G6PD: variants seen among roughly 807,000 people sequenced by gnomAD.
The protein encoded by G6PD is glucose-6-phosphate 1-dehydrogenase.
Under a neutral mutation model 38.2 loss-of-function variants are expected in G6PD, and 2 were observed. The observed-to-expected ratio is 0.05, with a 90% CI of 0.02 to 0.16. The LOEUF (loss-of-function observed/expected upper bound fraction) is 0.16. G6PD is among the 10% of genes least tolerant of loss of function. The pLI is 1.00. For missense variants in G6PD, 310 were observed against 471.6 expected, an observed-to-expected ratio of 0.66 and a Z score of 3.17; for synonymous variants, 188 against 196.0, an observed-to-expected ratio of 0.96 and a Z score of 0.34.
chrX:154,532,024 C>G lies in G6PD; in HGVS notation c.1524G>C (p.Lys508Asn). Residue 508 changes from lysine (K) to asparagine (N), a missense_variant, in exon 13 of 13, where the codon AAG becomes AAC. Coordinates refer to ENST00000393562, the MANE Select transcript of G6PD (RefSeq NM_001360016.2). ...CTCAGAGCTTGTGGGGGTTCACCCA[C>G]TTGTAGGTGCCCTCATACTGGAAAC... ...RVGFQYEGTY[K>N]WVNPHKL The G allele has an allele frequency of 8.3e-7, 1 of 1,210,384 alleles. No individual in the cohort carries two copies. The highest frequency in any genetic ancestry group is 1.1e-6 in the Non-Finnish European group (1 of 895,163).
upstream of G6PD, chrX:154,547,152 G>A: frequency 5.9e-6 from 1 of 168,073 alleles, no homozygotes; most frequent in Non-Finnish European, 9.9e-6. Flanking sequence ...GCCCGGCCCC[G>A]CCCCTACTGT....
Position 154,532,612 on chromosome X carries a change from G to A in G6PD, c.1242C>T (p.Asn414=). ...TCAGGTCCAGCTCCGACTCCTCGGG[G>A]TTGAAGAACATGCCCGGCTTCTTGG... ...MMTKKPGMFF[N]PEESELDLTY... is the part of the protein sequence containing the mutation. Residue 414 remains asparagine, a synonymous_variant, in exon 10 of 13, where the codon AAC becomes AAT. Transcript: ENST00000393562. 2 of 1,212,433 alleles carry A rather than the reference G, an allele frequency of 1.6e-6. No homozygotes were observed. The highest frequency in any genetic ancestry group is 2.2e-6 in the Non-Finnish European group (2 of 895,653).
intron 2 of G6PD, among the ~76,000 whole-genome samples, chrX:154,538,707 G>A (rs1051791832): frequency 4.5e-5 from 5 of 111,444 alleles, no homozygotes; most frequent in East Asian, 2.8e-4. Context: ...GCGGGGAATC[G>A]CTTGAGGTCA....
In G6PD at chrX:154,533,003, G is replaced by A. The variant is rs782064465; in HGVS notation, c.990C>T (p.Arg330=). The A allele has an allele frequency of 2.0e-4, 246 of 1,210,725 alleles. No individual in the cohort carries two copies. The highest frequency in any genetic ancestry group is 2.6e-4 in the Non-Finnish European group (237 of 895,251). Residue 330 remains arginine, a synonymous_variant, in exon 9 of 13, where the codon CGC becomes CGT. Transcript: ENST00000393562. Reference sequence around the variant, plus strand: ...CTGCAAAAGTGGCGGTGGTGGACCCGCGGGGCACCGTGGGGTCGTCCAGGT... The same window carrying A: ...CTGCAAAAGTGGCGGTGGTGGACCCACGGGGCACCGTGGGGTCGTCCAGGT... The part of the protein sequence containing the change: ...KGYLDDPTVP[R]GSTTATFAAV...
At chrX:154,537,703 T>C (rs1557231102) in intron 2 of G6PD, among the ~76,000 whole-genome samples, 1 of 112,209 alleles carries the variant, frequency 8.9e-6, no homozygotes, top group African/African-American at 3.2e-5. Flanking sequence ...ATAGAGAGTG[T>C]TGCCAGTGGG....
chrX:154,542,068 C>A (rs1050675519), intron 2 of G6PD, among the ~76,000 whole-genome samples: 5 of 112,448 alleles, frequency 4.4e-5, no homozygotes, highest in African/African-American at 1.6e-4. Context: ...AAAAGGGCCT[C>A]CCTGCTATAC....
At chrX:154,532,345 C>T in intron 11 of G6PD, 41 bp downstream of exon 11, 1 of 1,209,245 alleles carries the variant, frequency 8.3e-7, no homozygotes, top group Non-Finnish European at 1.1e-6. Flanking sequence ...AAGGCCACCC[C>T]ATAGCCCACA....
chrX:154,533,697 C>T, intron 7 of G6PD, 28 bp from the exon 8 acceptor site: 3 of 1,210,345 alleles, frequency 2.5e-6, no homozygotes, highest in Non-Finnish European at 3.4e-6. Context: ...CAGAGCTCGC[C>T]TTAGCTCCCC....
chrX:154,542,895 T>C (rs782535512), intron 2 of G6PD, among the ~76,000 whole-genome samples: 4 of 111,988 alleles, frequency 3.6e-5, no homozygotes, highest in African/African-American at 1.3e-4. Flanking sequence ...CTGGCCGCAA[T>C]AGCACATAGG....
At chrX:154,538,107 C>T (rs1181341762) in intron 2 of G6PD, among the ~76,000 whole-genome samples, 1 of 110,094 alleles carries the variant, frequency 9.1e-6, no homozygotes, top group Admixed American at 9.7e-5. Context: ...AATCCTCCCA[C>T]CTCAGCCTCT....
intron 2 of G6PD, among the ~76,000 whole-genome samples, chrX:154,543,899 A>C: frequency 1.0e-5 from 1 of 98,141 alleles, no homozygotes. Flanking sequence ...ATGGAGTCTC[A>C]CTCTGTCACC....
At chrX:154,533,528 T>C (rs781934049) in intron 8 of G6PD, 48 bp downstream of exon 8, 1 of 1,194,389 alleles carries the variant, frequency 8.4e-7, no homozygotes, top group African/African-American at 1.7e-5. Context: ...TCGTCACAGA[T>C]GGGCCTGCGA....
intron 2 of G6PD, among the ~76,000 whole-genome samples, chrX:154,541,632 G>C (rs1557231951): frequency 8.9e-6 from 1 of 111,762 alleles, no homozygotes; most frequent in African/African-American, 3.3e-5. Flanking sequence ...AATTCAAGGG[G>C]TCCTTAGTGA....
chrX:154,533,160 C>T (rs782114455), intron 8 of G6PD, 32 bp from the exon 9 acceptor site: 26 of 1,195,081 alleles, frequency 2.2e-5, no homozygotes, highest in Non-Finnish European at 2.6e-5. Context: ...GAATGGGCTC[C>T]TTGGGTGTTG....
intron 2 of G6PD, among the ~76,000 whole-genome samples, chrX:154,544,264 C>T (rs782518192): frequency 1.8e-5 from 2 of 110,808 alleles, no homozygotes; most frequent in East Asian, 2.8e-4. Flanking sequence ...CTGATTCAAG[C>T]GATTCTACTG....
Position 154,532,185 on chromosome X carries a change from C to T in G6PD, c.1457+3G>A, listed in dbSNP as rs781989444. The stretch of plus-strand genomic sequence containing the variant: ...CTGTCCCCAGCCCCCACCCTTTCCT[C>T]ACCTGCCATAAATATAGGGGATGGG... On this transcript the variant is annotated splice_donor_region_variant and intron_variant, in intron 12 of 12. Transcript: ENST00000393562. 1 of 1,210,182 alleles carries T rather than the reference C, an allele frequency of 8.3e-7. No individual in the cohort carries two copies. Among genetic ancestry groups the T allele is most frequent in the African/African-American group, 1.7e-5 (1 of 57,826 alleles).
chrX:154,536,018 G>A lies in G6PD; in HGVS notation c.186C>T (p.Pro62=), dbSNP rs781875587. 9.9e-6 allele frequency: 12 copies of A among 1,210,310 alleles called. No individual in the cohort carries two copies. The highest frequency in any genetic ancestry group is 2.2e-5 in the Admixed American group (1 of 45,885). The change falls in exon 4 of 13, where the codon CCC becomes CCT. Residue 62 remains proline (P), a synonymous_variant. Transcript: ENST00000393562. The stretch of plus-strand genomic sequence containing the variant: ...CATAGCCCACGATGAAGGTGTTTTC[G>A]GGCAGAAGGCCATCCCGGAACAGCC... The part of the protein sequence containing the change: ...IWWLFRDGLL[P]ENTFIVGYAR...
rs1258960910 is a variant in G6PD at position 154,532,931 on chromosome X, G to C, written c.1051+11C>G. The C allele has an allele frequency of 5.2e-5, 63 of 1,210,365 alleles. No homozygotes were observed. Among genetic ancestry groups the C allele is most frequent in the Non-Finnish European group, 6.6e-5 (59 of 895,077 alleles). On this transcript the variant is annotated intron_variant, in intron 9 of 12. Coordinates refer to ENST00000393562, the MANE Select transcript of G6PD (RefSeq NM_001360016.2). ...AGTTCTGCCTTGCTGGGCCTCGAAG[G>C]CATCACCTACCATCCCACCTCTCAT... is the stretch of plus-strand genomic sequence containing the variant.
At chrX:154,537,565 A>C (rs1267739279) in intron 2 of G6PD, among the ~76,000 whole-genome samples, 4 of 112,259 alleles carry the variant, frequency 3.6e-5, no homozygotes, top group African/African-American at 1.3e-4. Context: ...CAGTGAGCCA[A>C]GATCAAGCCA....
Sources: gnomAD v4.1 joint callset for allele counts (sites outside exome capture counted in the v4.1 genomes callset) on GRCh38, gnomAD v4.1.1 for gene constraint, MANE v1.5 for transcripts, NCBI Gene and HGNC (gene_info 2026-07-23, HGNC 2026-07-21) for gene names.